SPATA1: variants seen among roughly 807,000 people sequenced by gnomAD.
SPATA1 encodes the protein spermatogenesis associated 1.
Under a neutral mutation model 59.6 loss-of-function variants are expected in SPATA1, and 57 were observed. The ratio of observed to expected loss-of-function variants is 0.96; its 90% CI spans 0.77 to 1.19. The LOEUF is 1.19. SPATA1 is among the 50% of genes most tolerant of loss of function. The probability of loss-of-function intolerance (pLI) is 0.00; values close to 1 mark genes in which losing one functional copy is unlikely to be tolerated. For synonymous variants in SPATA1, 147 were observed against 163.9 expected (o/e 0.90, Z 0.79); for missense variants, 448 against 480.7 (o/e 0.93, Z 0.64).
chr1:84,517,095 TG>T (rs1682827527), intron 2 of SPATA1, among the ~76,000 whole-genome samples: 1 of 152,218 alleles, frequency 6.6e-6, no homozygotes, highest in Non-Finnish European at 1.5e-5. Context: ...CTAAATCTGT[TG>T]GTTAATTCTT....
intron 4 of SPATA1, 148 bp downstream of exon 4, chr1:84,522,655 G>C: frequency 2.4e-6 from 1 of 422,588 alleles, no homozygotes; most frequent in Non-Finnish European, 4.2e-6. Context: ...TAAACATACA[G>C]ATCAACAAAG....
intron 7 of SPATA1, among the ~76,000 whole-genome samples, chr1:84,533,276 C>G (rs967400154): frequency 6.6e-6 from 1 of 152,058 alleles, no homozygotes; most frequent in Non-Finnish European, 1.5e-5. Flanking sequence ...TATCCTGCCT[C>G]TCTTAAGTTC....
At chr1:84,511,669 T>TC (rs1682559002) in intron 1 of SPATA1, among the ~76,000 whole-genome samples, 2 of 113,946 alleles carry the variant, frequency 1.8e-5, no homozygotes, top group Admixed American at 8.9e-5. Flanking sequence ...TTTTTTTTTT[T>TC]TCTTTCTTTC....
chr1:84,521,193 A>AAGGG (rs757620328), intron 3 of SPATA1, among the ~76,000 whole-genome samples: 10 of 144,454 alleles, frequency 6.9e-5, no homozygotes, highest in Non-Finnish European at 1.5e-4. Context: ...GAACGGAAGG[A>AAGGG]AGGGAGGGAG....
chr1:84,524,197 G>A (rs1191711326), intron 4 of SPATA1, among the ~76,000 whole-genome samples: 1 of 152,088 alleles, frequency 6.6e-6, no homozygotes, highest in Non-Finnish European at 1.5e-5. Flanking sequence ...TGAAAGGTGA[G>A]AAAAGCTTTC....
Position 84,564,421 on chromosome 1 carries a change from A to AT in SPATA1, n.443-1440_443-1439insT, listed in dbSNP as rs564597149. 4.1e-4 allele frequency among the ~76,000 whole-genome samples: 63 copies of AT among 152,258 alleles called. No homozygotes were observed. The South Asian group carries it at 6.9e-3, about 17-fold the overall frequency. On this transcript the variant is annotated intron_variant and non_coding_transcript_variant, in intron 4 of 4. Coordinates refer to the SPATA1 transcript ENST00000460286. ...CAAGACATATTCACAGATTACCTAG[A>AT]ATGTTCAGCTAAAAAACTTTATTAC...
downstream of SPATA1, among the ~76,000 whole-genome samples, chr1:84,558,246 A>G (rs566456902): frequency 6.6e-5 from 10 of 152,134 alleles, no homozygotes; most frequent in South Asian, 1.0e-3. Context: ...ATATCAAAAC[A>G]TCATCTTCTA....
chr1:84,545,593 A>G, intron 9 of SPATA1, 41 bp from the exon 10 acceptor site: 1 of 1,473,692 alleles, frequency 6.8e-7, no homozygotes, highest in Non-Finnish European at 8.9e-7. Context: ...GCCATCTTTC[A>G]GCTTTGAGAC....
chr1:84,521,385 C>T lies in SPATA1; in HGVS notation c.143+694C>T, dbSNP rs117237516. Among the ~76,000 whole-genome samples, 36 of 152,294 alleles carry T rather than the reference C, an allele frequency of 2.4e-4. No individual in the cohort carries two copies. In the East Asian group the frequency reaches 2.9e-3, roughly 12 times the overall value. On this transcript the variant is annotated intron_variant, in intron 3 of 12. Coordinates refer to ENST00000490879, the Ensembl canonical transcript of SPATA1. ...TCTGACTGCCTGTTGTTACTCCTTA[C>T]GCATACCTCTCTTTCTAATCTTCAT...
At chr1:84,527,407 A>G (rs776189120) in intron 6 of SPATA1, among the ~76,000 whole-genome samples, 2 of 152,152 alleles carry the variant, frequency 1.3e-5, no homozygotes, top group Non-Finnish European at 2.9e-5. Context: ...TATTAGGAAG[A>G]AAATAAGTAT....
chr1:84,524,571 T>C (rs1278537500), intron 4 of SPATA1, among the ~76,000 whole-genome samples: 1 of 152,156 alleles, frequency 6.6e-6, no homozygotes, highest in Non-Finnish European at 1.5e-5. Flanking sequence ...ATGACCATTT[T>C]CTCCTTGGTT....
chr1:84,532,928 G>C, exon 7 of SPATA1: 1 of 1,551,900 alleles, frequency 6.4e-7, no homozygotes, highest in South Asian at 1.2e-5. Flanking sequence ...TGAGTTGCCA[G>C]GATCATTGGA....
At chr1:84,564,915 T>C (rs1684663590) in intron 4 of SPATA1, among the ~76,000 whole-genome samples, 1 of 151,976 alleles carries the variant, frequency 6.6e-6, no homozygotes, top group South Asian at 2.1e-4. Flanking sequence ...GGTGCATGCC[T>C]GTATACCCAG....
In SPATA1 at chr1:84,525,686, T is replaced by A; in HGVS notation, c.262-10T>A. The A allele has an allele frequency of 6.4e-7, 1 of 1,570,832 alleles. No individual in the cohort carries two copies. Among genetic ancestry groups the A allele is most frequent in the Non-Finnish European group, 8.6e-7 (1 of 1,166,568 alleles). ...AAAGCTTTAATTTTTTTCTCACTAC[T>A]TATTTCTAGGTGAAGGAAAAGCAAG... On this transcript the variant is annotated splice_polypyrimidine_tract_variant and intron_variant, in intron 4 of 12. Coordinates refer to ENST00000490879, the Ensembl canonical transcript of SPATA1.
chr1:84,561,986 T>C (rs540152212), intron 4 of SPATA1, among the ~76,000 whole-genome samples: 8 of 152,308 alleles, frequency 5.3e-5, no homozygotes, highest in Non-Finnish European at 8.8e-5. Context: ...CTCTGCAATA[T>C]CTCTAAGGTA....
downstream of SPATA1, chr1:84,554,936 C>A (rs748114267): frequency 1.3e-4 from 169 of 1,305,374 alleles, no homozygotes; most frequent in Non-Finnish European, 1.6e-4. Flanking sequence ...AATAAAAATG[C>A]AAGAAACTAG....
At chr1:84,515,263 T>G (rs1432516951) in intron 1 of SPATA1, among the ~76,000 whole-genome samples, 1 of 152,154 alleles carries the variant, frequency 6.6e-6, no homozygotes, top group Non-Finnish European at 1.5e-5. Context: ...TAAGACATGG[T>G]CAAAATGGCA....
In SPATA1 at chr1:84,512,545, T is replaced by C. The variant is rs145962917; in HGVS notation, c.-137-3678T>C. Reference sequence around the variant, plus strand: ...CAGGAAATAAAAATTACGAGAATCCTTATTTCTAGACACAGAATAAGTATC... The same window carrying C: ...CAGGAAATAAAAATTACGAGAATCCCTATTTCTAGACACAGAATAAGTATC... On this transcript the variant is annotated intron_variant, in intron 1 of 12. Transcript: ENST00000490879. Among the ~76,000 whole-genome samples the C allele has an allele frequency of 4.5e-3, 682 of 152,376 alleles. 1 individual carries two copies. Among genetic ancestry groups the C allele is most frequent in the Admixed American group, 7.8e-3 (120 of 15,310 alleles).
At chr1:84,523,695 G>A (rs1570406137) in intron 4 of SPATA1, among the ~76,000 whole-genome samples, 1 of 152,234 alleles carries the variant, frequency 6.6e-6, no homozygotes, top group East Asian at 1.9e-4. Flanking sequence ...AGTTAAATTT[G>A]AAGAGGTTTT....
Sources: gnomAD v4.1 joint callset for allele counts (sites outside exome capture counted in the v4.1 genomes callset) on GRCh38, gnomAD v4.1.1 for gene constraint, MANE v1.5 for transcripts, NCBI Gene and HGNC (gene_info 2026-07-23, HGNC 2026-07-21) for gene names.